The following ARHGEF4 variants were observed in gnomAD, a reference collection of about 807,000 sequenced individuals.
ARHGEF4 encodes Rho guanine nucleotide exchange factor 4, also known as APC-stimulated guanine nucleotide exchange factor 1.
ARHGEF4 carries 119 observed loss-of-function variants against 162.0 expected under a neutral mutation model. That is an observed-to-expected ratio of 0.73 (90% CI 0.63 to 0.86). The LOEUF is 0.86. ARHGEF4 is among the 40% of genes least tolerant of loss of function. The pLI is 0.00. For synonymous variants in ARHGEF4, 1,014 were observed against 979.9 expected (o/e 1.03, Z -0.65); for missense variants, 2,488 against 2,456.0 (o/e 1.01, Z -0.28).
intron 3 of ARHGEF4, among the ~76,000 whole-genome samples, chr2:130,940,978 A>G (rs1449447529): frequency 6.6e-6 from 1 of 152,126 alleles, no homozygotes; most frequent in Non-Finnish European, 1.5e-5. Context: ...GTTCCATGCC[A>G]ATAGATCTTT....
At chr2:130,934,009 A>G (rs1424765018) in intron 3 of ARHGEF4, among the ~76,000 whole-genome samples, 1 of 152,186 alleles carries the variant, frequency 6.6e-6, no homozygotes, top group Non-Finnish European at 1.5e-5. Flanking sequence ...TCTTGGTTTT[A>G]GGATTAAAGC....
chr2:130,903,596 G>A (rs532957655), intron 1 of ARHGEF4, among the ~76,000 whole-genome samples: 2 of 152,226 alleles, frequency 1.3e-5, no homozygotes, highest in African/African-American at 4.8e-5. Flanking sequence ...TGTACAGGTT[G>A]GTTACATGTT....
chr2:131,038,762 T>C, intron 5 of ARHGEF4, 91 bp from the exon 6 acceptor site: 1 of 1,414,336 alleles, frequency 7.1e-7, no homozygotes, highest in Non-Finnish European at 9.4e-7. Flanking sequence ...GGATCCCCTC[T>C]TCCCAGGGCT....
intron 4 of ARHGEF4, among the ~76,000 whole-genome samples, chr2:130,997,585 G>A (rs552640543): frequency 3.3e-5 from 5 of 152,258 alleles, no homozygotes; most frequent in Admixed American, 2.6e-4. Flanking sequence ...AGTGTGCGCC[G>A]CGGATTTTGG....
At chr2:131,041,089 G>A (rs1036377898) in intron 8 of ARHGEF4, 141 bp from the exon 9 acceptor site, 4 of 697,278 alleles carry the variant, frequency 5.7e-6, no homozygotes, top group African/African-American at 5.4e-5. Flanking sequence ...CAGGGAAATA[G>A]GTACACACAG....
At chr2:131,032,595 C>T (rs1267261187) in intron 5 of ARHGEF4, among the ~76,000 whole-genome samples, 1 of 151,888 alleles carries the variant, frequency 6.6e-6, no homozygotes, top group Non-Finnish European at 1.5e-5. Flanking sequence ...GCCACTTTTG[C>T]GCAGGGCTGC....
chr2:131,001,302 C>CAA (rs70994730), intron 4 of ARHGEF4, among the ~76,000 whole-genome samples: 8,818 of 31,068 alleles, frequency 0.28, 2,218 homozygotes, highest in African/African-American at 0.32. Flanking sequence ...GACTGTGTCT[C>CAA]AAAAAAAAAA....
chr2:130,836,941 C>G lies in ARHGEF4; in HGVS notation c.-13C>G. On this transcript the variant is annotated 5_prime_UTR_variant, in exon 1 of 14. Transcript: ENST00000409359. ...AGTGCTGCGGCCGGGCTCCGGGCGT[C>G]CCGGCGGCCACCATGCTCAGCGTCG... 5.7e-6 allele frequency: 7 copies of G among 1,225,250 alleles called. No homozygotes were observed. Among genetic ancestry groups the G allele is most frequent in the African/African-American group, 1.6e-5 (1 of 64,116 alleles). 75.9% of individuals were successfully genotyped at this position (1,225,250 alleles called of 1,614,324 possible).
intron 1 of ARHGEF4, among the ~76,000 whole-genome samples, chr2:130,885,736 A>AT (rs1175821056): frequency 1.3e-5 from 2 of 150,852 alleles, no homozygotes; most frequent in Admixed American, 1.3e-4. Context: ...TGCCTGGCTA[A>AT]TTTTTTTGTA....
rs56325092 is a variant in ARHGEF4, at chr2:130,917,452, G to A, written c.3506G>A (p.Arg1169His). The change falls in exon 2 of 14, where the codon CGC becomes CAC. Residue 1169 changes from arginine (R) to histidine (H), a missense_variant. Coordinates refer to ENST00000409359, the MANE Select transcript of ARHGEF4 (RefSeq NM_001367493.1). ...EESREGGQGP[R>H]GLGTVPWLRD... is the part of the protein sequence containing the mutation. Reference sequence around the variant, plus strand: ...AGCAGGGAAGGAGGCCAGGGTCCGCGCGGCTTGGGCACAGTGCCCTGGCTC... The same window carrying A: ...AGCAGGGAAGGAGGCCAGGGTCCGCACGGCTTGGGCACAGTGCCCTGGCTC... The A allele has an allele frequency of 3.7e-3, 5,768 of 1,550,570 alleles. 159 individuals are homozygous for A. The African/African-American group carries it at 0.067, about 18-fold the overall frequency.
intron 4 of ARHGEF4, among the ~76,000 whole-genome samples, chr2:130,961,823 C>T (rs1416261282): frequency 6.6e-6 from 1 of 152,142 alleles, no homozygotes; most frequent in Admixed American, 6.5e-5. Flanking sequence ...GCACTTCTCC[C>T]CACCCACCAG....
chr2:130,868,171 C>T (rs1008761518), intron 1 of ARHGEF4, among the ~76,000 whole-genome samples: 27 of 151,992 alleles, frequency 1.8e-4, no homozygotes, highest in African/African-American at 5.1e-4. Flanking sequence ...GTGATCCGCC[C>T]GCCCCGGCCT....
chr2:131,033,111 G>C (rs12998028), intron 5 of ARHGEF4, among the ~76,000 whole-genome samples: 1 of 151,994 alleles, frequency 6.6e-6, no homozygotes, highest in South Asian at 2.1e-4. Flanking sequence ...CCTTGGCTTC[G>C]CAAAGTGCTG....
chr2:130,844,410 A>C (rs2248310), intron 1 of ARHGEF4, among the ~76,000 whole-genome samples: 1 of 152,162 alleles, frequency 6.6e-6, no homozygotes, highest in Non-Finnish European at 1.5e-5. Flanking sequence ...CCTGTTGGCC[A>C]GATGCAAACC....
rs148609479 is a variant in ARHGEF4 at position 131,046,793 on chromosome 2, T to TTGTGTG, written c.*614_*619dup. On this transcript the variant is annotated 3_prime_UTR_variant, in exon 14 of 14. Transcript: ENST00000409359. ...GCTGGCTGCTGGACACCCTCTTCACTTGTGTGTGTGTGTGTAGCGGAAAAG... is the reference window on the plus strand; with the variant it reads ...GCTGGCTGCTGGACACCCTCTTCACTTGTGTGTGTGTGTGTGTGTGTAGCGGAAAAG... 3 of 152,202 alleles carry TTGTGTG rather than the reference T, an allele frequency of 2.0e-5. No individual in the cohort carries two copies. The highest frequency in any genetic ancestry group is 7.3e-5 in the African/African-American group (3 of 41,306). 9.4% of individuals were successfully genotyped at this position (152,202 alleles called of 1,614,324 possible).
chr2:131,001,302 CAA>C (rs70994730), intron 4 of ARHGEF4, among the ~76,000 whole-genome samples: 1,195 of 30,900 alleles, frequency 0.039, 8 homozygotes, highest in African/African-American at 0.11. Flanking sequence ...GACTGTGTCT[CAA>C]AAAAAAAAAA....
intron 2 of ARHGEF4, among the ~76,000 whole-genome samples, chr2:130,921,182 G>T (rs1681851792): frequency 6.6e-6 from 1 of 152,180 alleles, no homozygotes; most frequent in Non-Finnish European, 1.5e-5. Context: ...TCTATTTTGT[G>T]TCTGCCTTCC....
intron 4 of ARHGEF4, among the ~76,000 whole-genome samples, chr2:130,954,387 A>G (rs1016961078): frequency 6.6e-6 from 1 of 152,162 alleles, no homozygotes. Context: ...GGAACATCAC[A>G]CAGGGAGGCT....
At chr2:130,978,779 AAAAAC>A (rs1379322494) in intron 4 of ARHGEF4, among the ~76,000 whole-genome samples, 1 of 152,206 alleles carries the variant, frequency 6.6e-6, no homozygotes, top group Admixed American at 6.5e-5. Context: ...CCAGACTCTG[AAAAAC>A]AAAACAAAAA....
Sources: gnomAD v4.1 joint callset for allele counts (sites outside exome capture counted in the v4.1 genomes callset) on GRCh38, gnomAD v4.1.1 for gene constraint, MANE v1.5 for transcripts, NCBI Gene and HGNC (gene_info 2026-07-23, HGNC 2026-07-21) for gene names.